Variants in L3MBTL4 observed in about 807,000 individuals in gnomAD.
L3MBTL4 encodes the protein lethal(3)malignant brain tumor-like protein 4.
In L3MBTL4, 70 loss-of-function variants were observed where a neutral mutation model predicts 84.5. The observed-to-expected ratio is 0.83, with a 90% CI of 0.68 to 1.01. The LOEUF (loss-of-function observed/expected upper bound fraction) is 1.01. Among genes scored for constraint, L3MBTL4 ranks in the 50% least tolerant of loss-of-function variants. The pLI, the probability that L3MBTL4 is intolerant of heterozygous loss-of-function variation, is 0.00. For synonymous variants in L3MBTL4, 274 were observed against 259.8 expected, an observed-to-expected ratio of 1.05 and a Z score of -0.52; for missense variants, 715 against 754.8, an observed-to-expected ratio of 0.95 and a Z score of 0.62.
intron 16 of L3MBTL4, among the ~76,000 whole-genome samples, chr18:6,077,448 G>C (rs555707963): frequency 6.6e-5 from 10 of 151,892 alleles, no homozygotes; most frequent in Non-Finnish European, 1.0e-4. Context: ...ATATGTTTAC[G>C]TATTGAAAAA....
At chr18:6,102,305 C>A (rs545720105) in intron 14 of L3MBTL4, among the ~76,000 whole-genome samples, 2 of 152,278 alleles carry the variant, frequency 1.3e-5, no homozygotes, top group South Asian at 4.1e-4. Flanking sequence ...AGACATCTAG[C>A]GAAAAGCTTT....
At chr18:6,345,254 G>A (rs1003356244) in intron 1 of L3MBTL4, among the ~76,000 whole-genome samples, 21 of 145,004 alleles carry the variant, frequency 1.4e-4, no homozygotes, top group African/African-American at 5.1e-4. Context: ...AAAAAGAGCC[G>A]GGCATGGCAG....
intron 4 of L3MBTL4, among the ~76,000 whole-genome samples, chr18:6,277,853 A>G (rs1188644768): frequency 6.6e-6 from 1 of 152,164 alleles, no homozygotes; most frequent in African/African-American, 2.4e-5. Context: ...CCACCACTTC[A>G]ACATTCTTGT....
chr18:6,200,708 A>G (rs977699186), intron 12 of L3MBTL4, among the ~76,000 whole-genome samples: 1 of 152,204 alleles, frequency 6.6e-6, no homozygotes, highest in Non-Finnish European at 1.5e-5. Flanking sequence ...AAAATAATAC[A>G]TGATTTAAAT....
intron 14 of L3MBTL4, among the ~76,000 whole-genome samples, chr18:6,134,073 C>T (rs2059955329): frequency 6.6e-6 from 1 of 152,056 alleles, no homozygotes; most frequent in South Asian, 2.1e-4. Context: ...CTGGGGAGGC[C>T]TCATATTCAT....
At chr18:6,402,362 T>C (rs577027367) in intron 1 of L3MBTL4, among the ~76,000 whole-genome samples, 1 of 152,360 alleles carries the variant, frequency 6.6e-6, no homozygotes, top group South Asian at 2.1e-4. Context: ...AATAAATTAT[T>C]CTGGCCTTCT....
chr18:6,196,250 C>T (rs559165282), intron 12 of L3MBTL4, among the ~76,000 whole-genome samples: 129 of 151,416 alleles, frequency 8.5e-4, no homozygotes, highest in African/African-American at 2.9e-3. Context: ...CTCCACCTCC[C>T]GGGTTCACGC....
chr18:6,042,085 T>C (rs1312424632), intron 16 of L3MBTL4, among the ~76,000 whole-genome samples: 1 of 152,094 alleles, frequency 6.6e-6, no homozygotes, highest in African/African-American at 2.4e-5. Context: ...CCAACTGCCA[T>C]ACCTCCCCAA....
intron 1 of L3MBTL4, among the ~76,000 whole-genome samples, chr18:6,332,593 C>A (rs1236022794): frequency 6.6e-6 from 1 of 152,164 alleles, no homozygotes; most frequent in Non-Finnish European, 1.5e-5. Context: ...TGCAGAAGAA[C>A]CTCTTTATCT....
chr18:5,962,306 G>A (rs540168986), intron 17 of L3MBTL4, among the ~76,000 whole-genome samples: 5 of 152,138 alleles, frequency 3.3e-5, no homozygotes, highest in Admixed American at 6.5e-5. Context: ...TTTCCACCAC[G>A]GCGATTTGGG....
chr18:6,367,712 G>C (rs2144126706), intron 1 of L3MBTL4: 1 of 152,520 alleles, frequency 6.6e-6, no homozygotes, highest in South Asian at 2.1e-4. Flanking sequence ...GGCCAAGGCT[G>C]AGGTCAGAAT....
At chr18:5,967,621 G>T (rs951832621) in intron 17 of L3MBTL4, among the ~76,000 whole-genome samples, 1 of 152,200 alleles carries the variant, frequency 6.6e-6, no homozygotes, top group Admixed American at 6.5e-5. Flanking sequence ...GTAGTGAGGG[G>T]TTCTCAAGAT....
chr18:6,190,144 G>A (rs552027132), intron 12 of L3MBTL4, among the ~76,000 whole-genome samples: 37 of 152,230 alleles, frequency 2.4e-4, no homozygotes, highest in South Asian at 1.5e-3. Context: ...TAAAAAGCAC[G>A]AAAAGAAACA....
intron 4 of L3MBTL4, among the ~76,000 whole-genome samples, chr18:6,269,444 G>C (rs1020435191): frequency 3.3e-5 from 5 of 152,050 alleles, no homozygotes; most frequent in African/African-American, 4.8e-5. Flanking sequence ...GTGACGGAGC[G>C]AGACTCTGCC....
At chr18:5,996,941 G>A (rs746179445) in intron 16 of L3MBTL4, among the ~76,000 whole-genome samples, 5 of 152,106 alleles carry the variant, frequency 3.3e-5, no homozygotes, top group Non-Finnish European at 7.3e-5. Context: ...TTCATTTGGG[G>A]ATTTAAAAGA....
intron 1 of L3MBTL4, among the ~76,000 whole-genome samples, chr18:6,406,067 T>G (rs1207662165): frequency 6.6e-6 from 1 of 152,252 alleles, no homozygotes; most frequent in Non-Finnish European, 1.5e-5. Context: ...GCACTAAGTA[T>G]TAATTATTAC....
At chr18:6,351,235 C>T (rs2053170157) in intron 1 of L3MBTL4, among the ~76,000 whole-genome samples, 2 of 152,050 alleles carry the variant, frequency 1.3e-5, no homozygotes, top group African/African-American at 4.8e-5. Flanking sequence ...ATCTTGAAAA[C>T]ATTATGCTAA....
intron 1 of L3MBTL4, among the ~76,000 whole-genome samples, chr18:6,333,971 A>T (rs914595082): frequency 6.6e-6 from 1 of 152,226 alleles, no homozygotes; most frequent in Non-Finnish European, 1.5e-5. Context: ...AGGTAGCCAG[A>T]TATTAAGTGG....
rs111903050 is a variant in L3MBTL4, at chr18:6,335,248, G to A, written c.-90-23192C>T. The stretch of plus-strand genomic sequence containing the variant: ...TGGGATTACAGGCACTCACCACCAC[G>A]CCCAGCTAATTTTTGCATGTTTAGT... On this transcript the variant is annotated intron_variant, in intron 1 of 18. Transcript: ENST00000317931. Among the ~76,000 whole-genome samples the A allele has an allele frequency of 5.3e-4, 80 of 152,056 alleles. 1 individual carries two copies. The highest frequency in any genetic ancestry group is 1.8e-3 in the African/African-American group (74 of 41,474).
Sources: gnomAD v4.1 joint callset for allele counts (sites outside exome capture counted in the v4.1 genomes callset) on GRCh38, gnomAD v4.1.1 for gene constraint, MANE v1.5 for transcripts, NCBI Gene and HGNC (gene_info 2026-07-23, HGNC 2026-07-21) for gene names.